WARS2: variants seen among roughly 807,000 people sequenced by gnomAD.
WARS2 encodes the protein tryptophan--tRNA ligase, mitochondrial.
A neutral mutation model predicts 36.5 loss-of-function variants in WARS2; 28 were observed. That is an observed-to-expected ratio of 0.77 (90% CI 0.57 to 1.05). The LOEUF is 1.05. WARS2 is among the 50% of genes least tolerant of loss of function. The probability of loss-of-function intolerance (pLI) is 0.00; values close to 1 mark genes in which losing one functional copy is unlikely to be tolerated. For missense variants in WARS2, 435 were observed against 456.8 expected, an observed-to-expected ratio of 0.95 and a Z score of 0.44; for synonymous variants, 174 against 178.4, an observed-to-expected ratio of 0.98 and a Z score of 0.20.
rs71586673 is a variant in WARS2 at position 119,135,759 on chromosome 1, TAGAG to T, written c.90+4792_90+4795del. On this transcript the variant is annotated intron_variant, in intron 1 of 5. Transcript: ENST00000235521. Reference sequence around the variant, plus strand: ...ATAGATAGATAGATAGATAGAGAGATAGAGAGAGAGAGAGAGATGGGTTTTGGGG... The same window carrying T: ...ATAGATAGATAGATAGATAGAGAGATAGAGAGAGAGAGATGGGTTTTGGGG... Among the ~76,000 whole-genome samples, 1,418 of 146,378 alleles carry T rather than the reference TAGAG, an allele frequency of 9.7e-3. 15 individuals are homozygous for T. The highest frequency in any genetic ancestry group is 0.015 in the Non-Finnish European group (991 of 66,334).
chr1:119,130,562 C>A (rs1656027792), intron 1 of WARS2, among the ~76,000 whole-genome samples: 1 of 152,074 alleles, frequency 6.6e-6, no homozygotes, highest in Non-Finnish European at 1.5e-5. Flanking sequence ...ATACTTTGGG[C>A]AATAATAAGA....
Position 119,032,977 on chromosome 1 carries a change from T to G in WARS2, c.1017A>C (p.Ser339=), listed in dbSNP as rs758094787. The G allele has an allele frequency of 1.2e-6, 2 of 1,614,266 alleles. No individual in the cohort carries two copies. The highest frequency in any genetic ancestry group is 1.7e-6 in the Non-Finnish European group (2 of 1,180,050). Residue 339 remains serine, a synonymous_variant, in exon 6 of 6, where the codon TCA becomes TCC. Coordinates refer to ENST00000235521, the MANE Select transcript of WARS2 (RefSeq NM_015836.4). ...DHLEKVLQIG[S]AKAKELAYTV... ...TGTATGCTAATTCTTTGGCTTTTGC[T>G]GATCCAATTTGTAAAACCTTCTCTA...
chr1:119,140,500 T>G, intron 1 of WARS2, 55 bp downstream of exon 1: 1 of 1,538,020 alleles, frequency 6.5e-7, no homozygotes, highest in Non-Finnish European at 9.0e-7. Context: ...GGCAGTGGGA[T>G]GAGAAGAACC....
chr1:119,083,185 C>T (rs1020599351), intron 1 of WARS2, among the ~76,000 whole-genome samples: 8 of 152,188 alleles, frequency 5.3e-5, no homozygotes, highest in Non-Finnish European at 5.9e-5. Flanking sequence ...GATGAGATAG[C>T]GCCATTGCAC....
At chr1:119,033,783 T>A (rs939001659) in intron 5 of WARS2, among the ~76,000 whole-genome samples, 6 of 152,334 alleles carry the variant, frequency 3.9e-5, no homozygotes, top group African/African-American at 1.4e-4. Flanking sequence ...CAATTATAAG[T>A]CAAGAAGCAT....
chr1:119,061,453 T>G (rs1056720012), intron 2 of WARS2, among the ~76,000 whole-genome samples: 1 of 152,046 alleles, frequency 6.6e-6, no homozygotes, highest in African/African-American at 2.4e-5. Flanking sequence ...AAACACAGAT[T>G]GGGAGGGCAG....
chr1:119,107,912 T>C (rs1053443627), intron 1 of WARS2, among the ~76,000 whole-genome samples: 1 of 152,102 alleles, frequency 6.6e-6, no homozygotes, highest in Non-Finnish European at 1.5e-5. Context: ...TGTTAAATGC[T>C]TTTTTTCATC....
At chr1:119,123,157 T>G (rs1655436693) in intron 1 of WARS2, among the ~76,000 whole-genome samples, 1 of 152,206 alleles carries the variant, frequency 6.6e-6, no homozygotes. Flanking sequence ...AGAAACAAAG[T>G]TAGGCACATT....
At chr1:119,109,579 ATG>A (rs1024537638) in intron 1 of WARS2, among the ~76,000 whole-genome samples, 1 of 151,850 alleles carries the variant, frequency 6.6e-6, no homozygotes, top group Non-Finnish European at 1.5e-5. Context: ...TTAAATCCAT[ATG>A]TGTCTTTATA....
chr1:119,070,744 A>T lies in WARS2; in HGVS notation c.348+5606T>A, dbSNP rs138852488. Among the ~76,000 whole-genome samples, 66 of 151,570 alleles carry T rather than the reference A, an allele frequency of 4.4e-4. No homozygotes were observed. In the East Asian group the frequency reaches 0.012, roughly 27 times the overall value. On this transcript the variant is annotated intron_variant, in intron 2 of 5. Coordinates refer to ENST00000235521, the MANE Select transcript of WARS2 (RefSeq NM_015836.4). Reference sequence around the variant, plus strand: ...GGTGACAGAGTGAGACCCTGTCATAAATAAATAAATAAATAAATAAAATAG... The same window carrying T: ...GGTGACAGAGTGAGACCCTGTCATATATAAATAAATAAATAAATAAAATAG...
chr1:119,036,820 A>T (rs1489400507), intron 4 of WARS2, among the ~76,000 whole-genome samples: 1 of 152,238 alleles, frequency 6.6e-6, no homozygotes, highest in East Asian at 1.9e-4. Flanking sequence ...AAAAAATTTT[A>T]ATCTTTTTCA....
At chr1:119,139,009 T>A (rs1280609836) in intron 1 of WARS2, among the ~76,000 whole-genome samples, 1 of 152,170 alleles carries the variant, frequency 6.6e-6, no homozygotes, top group Non-Finnish European at 1.5e-5. Flanking sequence ...TCTCTCTCTC[T>A]TTGATTCTCT....
At chr1:119,123,853 C>G (rs749441793) in intron 1 of WARS2, among the ~76,000 whole-genome samples, 15 of 152,008 alleles carry the variant, frequency 9.9e-5, no homozygotes, top group South Asian at 2.1e-4. Flanking sequence ...TAATTACACC[C>G]TATCTCAAGG....
At chr1:119,103,599 T>A (rs981136885) in intron 1 of WARS2, among the ~76,000 whole-genome samples, 1 of 152,018 alleles carries the variant, frequency 6.6e-6, no homozygotes, top group Non-Finnish European at 1.5e-5. Flanking sequence ...GGCCATAATG[T>A]CATCTTTTTA....
chr1:119,124,562 C>T (rs192700505), intron 1 of WARS2, among the ~76,000 whole-genome samples: 34 of 152,114 alleles, frequency 2.2e-4, no homozygotes, highest in African/African-American at 7.9e-4. Context: ...ATATCCAGAA[C>T]CTGATCATGC....
At chr1:119,085,012 A>G (rs1263472014) in intron 1 of WARS2, 2 of 626,208 alleles carry the variant, frequency 3.2e-6, no homozygotes, top group Admixed American at 2.5e-5. Context: ...TGACGCCTAC[A>G]GTCACTGGAA....
chr1:119,052,720 G>A (rs184387065), intron 2 of WARS2, among the ~76,000 whole-genome samples: 1 of 152,232 alleles, frequency 6.6e-6, no homozygotes, highest in East Asian at 1.9e-4. Flanking sequence ...ATTATGCTAG[G>A]CTATACAGGG....
In WARS2 at chr1:119,033,181, G is replaced by A. The variant is rs1647585181; in HGVS notation, c.813C>T (p.Gly271=). Reference sequence around the variant, plus strand: ...CATGCACCGCCACTATGTTGGACACGCCAGCGCGGCCAGCCGGGTCATAGG... The same window carrying A: ...CATGCACCGCCACTATGTTGGACACACCAGCGCGGCCAGCCGGGTCATAGG... The part of the protein sequence containing the change: ...EVTYDPAGRA[G]VSNIVAVHAA... The change falls in exon 6 of 6, where the codon GGC becomes GGT. Residue 271 remains glycine, a synonymous_variant. Coordinates refer to ENST00000235521, the MANE Select transcript of WARS2 (RefSeq NM_015836.4). The A allele has an allele frequency of 4.3e-6, 7 of 1,614,060 alleles. No individual in the cohort carries two copies. The highest frequency in any genetic ancestry group is 5.9e-6 in the Non-Finnish European group (7 of 1,180,052).
At chr1:119,034,777 T>G (rs934029018) in intron 4 of WARS2, among the ~76,000 whole-genome samples, 1 of 152,182 alleles carries the variant, frequency 6.6e-6, no homozygotes, top group African/African-American at 2.4e-5. Flanking sequence ...TGCAGAGAAC[T>G]TAAAATCTAT....
Sources: allele counts gnomAD v4.1 joint callset (sites outside exome capture counted in the v4.1 genomes callset), GRCh38; gene constraint gnomAD v4.1.1; transcripts MANE v1.5; gene names NCBI Gene and HGNC (gene_info 2026-07-23, HGNC 2026-07-21).